SRBD1: variants seen among roughly 807,000 people sequenced by gnomAD.
SRBD1 encodes S1 RNA-binding domain-containing protein 1.
SRBD1 carries 88 observed loss-of-function variants against 115.3 expected under a neutral mutation model. The ratio of observed to expected loss-of-function variants is 0.76; its 90% CI spans 0.64 to 0.91. The LOEUF (loss-of-function observed/expected upper bound fraction) is 0.91, where lower values mean the gene tolerates loss of function less well. SRBD1 is among the 40% of genes least tolerant of loss of function. The probability of loss-of-function intolerance (pLI) is 0.00; values close to 1 mark genes in which losing one functional copy is unlikely to be tolerated. For synonymous variants in SRBD1, 509 were observed against 407.7 expected (o/e 1.25, Z -2.99); for missense variants, 1,385 against 1,177.4 (o/e 1.18, Z -2.58).
intron 14 of SRBD1, among the ~76,000 whole-genome samples, chr2:45,525,175 A>C (rs961841170): frequency 3.9e-5 from 6 of 152,044 alleles, no homozygotes; most frequent in African/African-American, 1.2e-4. Context: ...GTAGGCACTA[A>C]AACTATTAAA....
chr2:45,581,851 CA>C lies in SRBD1; in HGVS notation c.816-42del, dbSNP rs772765096. 2.0e-6 allele frequency: 3 copies of C among 1,497,960 alleles called. No homozygotes were observed. The African/African-American group carries it at 4.2e-5, about 21-fold the overall frequency. The allele number at this position is 1,497,960 out of a possible 1,614,324, so 92.8% of individuals were successfully genotyped here. A position where few individuals can be genotyped will look rare whatever the true frequency, so the allele number is the denominator to read the frequency against. On this transcript the variant is annotated intron_variant, in intron 5 of 20. Transcript: ENST00000263736. Reference sequence around the variant, plus strand: ...TTTGTAATATACCAAAACTGTATGTCAAAACTTTCTTTTCAAAGCTACCTCA... The same window carrying C: ...TTTGTAATATACCAAAACTGTATGTCAAACTTTCTTTTCAAAGCTACCTCA...
At chr2:45,401,316 C>T (rs1316909025) in intron 19 of SRBD1, among the ~76,000 whole-genome samples, 1 of 152,118 alleles carries the variant, frequency 6.6e-6, no homozygotes, top group Admixed American at 6.6e-5. Flanking sequence ...AATCTGTCCA[C>T]TTAACATTTT....
intron 3 of SRBD1, among the ~76,000 whole-genome samples, chr2:45,600,954 A>G (rs1015895667): frequency 6.6e-6 from 1 of 152,212 alleles, no homozygotes; most frequent in Non-Finnish European, 1.5e-5. Flanking sequence ...TGAACTTGAA[A>G]ATAATGAACA....
At chr2:45,518,377 CTA>C (rs1258537316) in intron 14 of SRBD1, among the ~76,000 whole-genome samples, 1 of 152,134 alleles carries the variant, frequency 6.6e-6, no homozygotes, top group Admixed American at 6.5e-5. Context: ...TTGAGCACTG[CTA>C]TATGAGATTA....
At chr2:45,507,208 C>T (rs1670825110) in intron 14 of SRBD1, among the ~76,000 whole-genome samples, 1 of 152,052 alleles carries the variant, frequency 6.6e-6, no homozygotes. Context: ...GAAATACAAG[C>T]AGGACTAACC....
chr2:45,416,971 G>A (rs1242900030), intron 18 of SRBD1, among the ~76,000 whole-genome samples: 1 of 152,112 alleles, frequency 6.6e-6, no homozygotes. Context: ...TAGAGACGGG[G>A]TTTCACCATG....
rs192635224 is a variant in SRBD1 at position 45,582,908 on chromosome 2, C to T, written c.816-1098G>A. Among the ~76,000 whole-genome samples, 82 of 152,156 alleles carry T rather than the reference C, an allele frequency of 5.4e-4. No homozygotes were observed. The East Asian group carries it at 0.012, about 23-fold the overall frequency. On this transcript the variant is annotated intron_variant, in intron 5 of 20. Transcript: ENST00000263736. ...CATAATTGGTTTCCAAATACCATTC[C>T]CCACTAAAAAGAACCAGGATTCCAT...
intron 19 of SRBD1, among the ~76,000 whole-genome samples, chr2:45,400,406 A>G (rs969638988): frequency 1.6e-4 from 25 of 152,196 alleles, no homozygotes; most frequent in African/African-American, 5.8e-4. Context: ...AGCAAGCACA[A>G]CTTTATGATT....
chr2:45,601,829 C>A (rs1674100904), intron 3 of SRBD1, 74 bp downstream of exon 3: 22 of 1,563,828 alleles, frequency 1.4e-5, no homozygotes, highest in Non-Finnish European at 1.9e-5. Flanking sequence ...TTGTCCTACT[C>A]TGTAGAATAA....
chr2:45,589,120 T>C (rs1673637013), intron 4 of SRBD1, among the ~76,000 whole-genome samples: 1 of 152,068 alleles, frequency 6.6e-6, no homozygotes, highest in South Asian at 2.1e-4. Context: ...CTCCCACCCA[T>C]CCCATCTGCA....
intron 4 of SRBD1, among the ~76,000 whole-genome samples, chr2:45,590,539 C>T (rs765965765): frequency 2.0e-5 from 3 of 152,088 alleles, no homozygotes; most frequent in Non-Finnish European, 4.4e-5. Flanking sequence ...GGTGGTTTTC[C>T]CCATGCTGTT....
chr2:45,532,798 C>T lies in SRBD1; in HGVS notation c.1874+13934G>A, dbSNP rs531261394. Among the ~76,000 whole-genome samples, 94 of 147,998 alleles carry T rather than the reference C, an allele frequency of 6.4e-4. 2 individuals carry two copies. The highest frequency in any genetic ancestry group is 1.1e-3 in the Non-Finnish European group (72 of 65,538). ...AAATACACAGAATCAAAAGGTTTAC[C>T]GACCCCCCACTGCAGCCAAAAGATA... On this transcript the variant is annotated intron_variant, in intron 14 of 20. Transcript: ENST00000263736.
chr2:45,540,989 T>G (rs548535659), intron 14 of SRBD1, among the ~76,000 whole-genome samples: 3 of 152,362 alleles, frequency 2.0e-5, no homozygotes, highest in Admixed American at 2.0e-4. Flanking sequence ...GTCCGAGTTT[T>G]GCTCAGGCCC....
At chr2:45,512,518 C>G (rs1048097073) in intron 14 of SRBD1, among the ~76,000 whole-genome samples, 2 of 152,160 alleles carry the variant, frequency 1.3e-5, no homozygotes, top group Non-Finnish European at 2.9e-5. Flanking sequence ...TTCTGGCACA[C>G]TAAATTCAGG....
intron 14 of SRBD1, among the ~76,000 whole-genome samples, chr2:45,539,901 C>T (rs1273931842): frequency 1.3e-5 from 2 of 151,946 alleles, no homozygotes; most frequent in Non-Finnish European, 2.9e-5. Context: ...TACAAGGATT[C>T]TAGAATTATT....
intron 14 of SRBD1, among the ~76,000 whole-genome samples, chr2:45,527,508 G>A (rs1671482131): frequency 6.6e-6 from 1 of 151,618 alleles, no homozygotes; most frequent in Non-Finnish European, 1.5e-5. Flanking sequence ...CAGAGGATGA[G>A]GAAAGGGTAT....
chr2:45,600,286 T>C (rs1431976170), intron 3 of SRBD1, among the ~76,000 whole-genome samples: 5 of 149,014 alleles, frequency 3.4e-5, no homozygotes, highest in South Asian at 2.1e-4. Context: ...CATCTTACTA[T>C]AGATTTGCAA....
intron 3 of SRBD1, among the ~76,000 whole-genome samples, chr2:45,601,115 G>A (rs1233069831): frequency 1.3e-5 from 2 of 152,228 alleles, no homozygotes; most frequent in African/African-American, 2.4e-5. Flanking sequence ...CATAAAGGGT[G>A]TTGTCAGCCA....
At chr2:45,532,883 C>T (rs1447067189) in intron 14 of SRBD1, among the ~76,000 whole-genome samples, 2 of 151,884 alleles carry the variant, frequency 1.3e-5, no homozygotes, top group African/African-American at 4.8e-5. Flanking sequence ...ATTTCTGGCC[C>T]CCGAATCTCC....
Sources: gnomAD v4.1 joint callset for allele counts (sites outside exome capture counted in the v4.1 genomes callset) on GRCh38, gnomAD v4.1.1 for gene constraint, MANE v1.5 for transcripts, NCBI Gene and HGNC (gene_info 2026-07-23, HGNC 2026-07-21) for gene names.